Variants in DMD observed in about 807,000 individuals in gnomAD.
The protein encoded by DMD is mutant dystrophin.
DMD carries 63 observed loss-of-function variants against 330.1 expected under a neutral mutation model. That is an observed-to-expected ratio of 0.19 (90% CI 0.16 to 0.24). DMD has a LOEUF of 0.24. Among genes scored for constraint, DMD ranks in the 10% least tolerant of loss-of-function variants. The probability of loss-of-function intolerance (pLI) is 1.00; values close to 1 mark genes in which losing one functional copy is unlikely to be tolerated. For missense variants in DMD, 3,344 were observed against 2,684.1 expected, an observed-to-expected ratio of 1.25 and a Z score of -5.43; for synonymous variants, 1,223 against 959.8, an observed-to-expected ratio of 1.27 and a Z score of -5.07.
At chrX:32,803,710 CATT>C (rs915087710) in intron 7 of DMD, among the ~76,000 whole-genome samples, 8 of 112,025 alleles carry the variant, frequency 7.1e-5, no homozygotes, top group African/African-American at 2.6e-4. Context: ...GCCTTAATTT[CATT>C]ATTTACCCAG....
intron 7 of DMD, among the ~76,000 whole-genome samples, chrX:32,718,585 C>A (rs1480367797): frequency 8.9e-6 from 1 of 111,966 alleles, no homozygotes; most frequent in African/African-American, 3.2e-5. Flanking sequence ...TAGTAAGAAC[C>A]TTTCTCAGGA....
At chrX:32,296,715 A>C (rs987184499) in intron 42 of DMD, among the ~76,000 whole-genome samples, 7 of 111,849 alleles carry the variant, frequency 6.3e-5, no homozygotes, top group African/African-American at 2.3e-4. Context: ...TCTCAGTCAA[A>C]AATTTCAATT....
chrX:32,337,080 G>A (rs1435126633), intron 41 of DMD, among the ~76,000 whole-genome samples: 2 of 111,308 alleles, frequency 1.8e-5, no homozygotes, highest in Non-Finnish European at 3.8e-5. Flanking sequence ...AGAGGTTAGA[G>A]GTTGTTGAAG....
rs1458155989 is a variant in DMD at position 32,258,048 on chromosome X, CA to C, written c.6290+29480del. On this transcript the variant is annotated intron_variant, in intron 43 of 78. Coordinates refer to ENST00000357033, the MANE Select transcript of DMD (RefSeq NM_004006.3). Reference sequence around the variant, plus strand: ...CAAAACAAGACATTTATGCAGCCAGCAAACATATCAAAAAAAGCTCATTATC... The same window carrying C: ...CAAAACAAGACATTTATGCAGCCAGCAACATATCAAAAAAAGCTCATTATC... Among the ~76,000 whole-genome samples the C allele has an allele frequency of 1.4e-4, 16 of 110,821 alleles. No individual in the cohort carries two copies. In the South Asian group the frequency reaches 3.1e-3, roughly 21 times the overall value.
chrX:32,291,951 C>T (rs1027145278), intron 42 of DMD, among the ~76,000 whole-genome samples: 2 of 111,668 alleles, frequency 1.8e-5, no homozygotes, highest in South Asian at 3.8e-4. Flanking sequence ...GTGCATTGCT[C>T]TGGAGAGATT....
chrX:31,650,770 C>T (rs1256179575), intron 54 of DMD, among the ~76,000 whole-genome samples: 1 of 111,428 alleles, frequency 9.0e-6, no homozygotes, highest in Admixed American at 9.6e-5. Context: ...TTTGAGAATG[C>T]TTTTGGAAAC....
chrX:32,345,624 G>A (rs2097761182), intron 39 of DMD, among the ~76,000 whole-genome samples: 1 of 110,161 alleles, frequency 9.1e-6, no homozygotes, highest in African/African-American at 3.3e-5. Context: ...CTGGCAGTTA[G>A]GCAGGTTTTT....
At chrX:32,905,656 G>A (rs1316017912) in intron 2 of DMD, among the ~76,000 whole-genome samples, 2 of 111,951 alleles carry the variant, frequency 1.8e-5, no homozygotes, top group Non-Finnish European at 3.8e-5. Flanking sequence ...GTTTGTGAAA[G>A]TTTAGACCAT....
At chrX:32,492,829 C>A (rs1169160897) in intron 19 of DMD, among the ~76,000 whole-genome samples, 1 of 111,902 alleles carries the variant, frequency 8.9e-6, no homozygotes, top group Non-Finnish European at 1.9e-5. Context: ...TTTGGAAATA[C>A]TGAATATTTA....
chrX:32,618,431 C>T (rs1469821242), intron 11 of DMD, among the ~76,000 whole-genome samples: 3 of 111,531 alleles, frequency 2.7e-5, no homozygotes, highest in Non-Finnish European at 3.8e-5. Flanking sequence ...AAATACACCA[C>T]GTTCTCACTT....
At chrX:31,650,754 G>A (rs2080405481) in intron 54 of DMD, among the ~76,000 whole-genome samples, 2 of 111,349 alleles carry the variant, frequency 1.8e-5, no homozygotes, top group South Asian at 7.4e-4. Flanking sequence ...TTTACTTTCA[G>A]AAAAATTTGA....
At chrX:32,691,956 C>G (rs958783149) in intron 9 of DMD, among the ~76,000 whole-genome samples, 1 of 110,428 alleles carries the variant, frequency 9.1e-6, no homozygotes, top group Non-Finnish European at 1.9e-5. Flanking sequence ...GTAAAATACT[C>G]AAGCTGATCA....
chrX:31,420,140 T>C (rs994689585), intron 60 of DMD, among the ~76,000 whole-genome samples: 2 of 112,491 alleles, frequency 1.8e-5, no homozygotes, highest in African/African-American at 6.5e-5. Flanking sequence ...CACTATTGTT[T>C]TGTTGCTTAA....
intron 1 of DMD, among the ~76,000 whole-genome samples, chrX:33,168,250 T>C (rs1278790459): frequency 9.0e-6 from 1 of 111,246 alleles, no homozygotes; most frequent in African/African-American, 3.2e-5. Flanking sequence ...AATGTGGCAA[T>C]TACTACTTCC....
chrX:31,699,827 A>C (rs1470549815), intron 52 of DMD, among the ~76,000 whole-genome samples: 1 of 111,715 alleles, frequency 9.0e-6, no homozygotes, highest in Non-Finnish European at 1.9e-5. Flanking sequence ...TGGGTTCATG[A>C]GCACTCACTG....
intron 55 of DMD, among the ~76,000 whole-genome samples, chrX:31,610,728 G>C (rs1183462237): frequency 9.0e-6 from 1 of 111,656 alleles, no homozygotes; most frequent in Non-Finnish European, 1.9e-5. Context: ...CCTGAAAAAA[G>C]AAATTTTTAT....
intron 2 of DMD, among the ~76,000 whole-genome samples, chrX:32,852,300 C>T (rs1305782703): frequency 1.8e-5 from 2 of 111,483 alleles, no homozygotes; most frequent in East Asian, 2.8e-4. Flanking sequence ...CAGAAGGGAA[C>T]TTGCTACCTT....
At chrX:32,860,818 A>C (rs760082195) in intron 2 of DMD, among the ~76,000 whole-genome samples, 2 of 111,291 alleles carry the variant, frequency 1.8e-5, no homozygotes, top group African/African-American at 6.5e-5. Flanking sequence ...AATGGCCACT[A>C]TGACGACTTG....
intron 44 of DMD, among the ~76,000 whole-genome samples, chrX:32,208,236 G>T (rs757099102): frequency 3.6e-5 from 4 of 112,309 alleles, no homozygotes; most frequent in Non-Finnish European, 5.6e-5. Flanking sequence ...ACAACACTTA[G>T]AGTGTGGAAA....
Sources: gnomAD v4.1 joint callset for allele counts (sites outside exome capture counted in the v4.1 genomes callset) on GRCh38, gnomAD v4.1.1 for gene constraint, MANE v1.5 for transcripts, NCBI Gene and HGNC (gene_info 2026-07-23, HGNC 2026-07-21) for gene names.